The following UGT1A5 variants were observed in gnomAD, a reference collection of about 807,000 sequenced individuals.
UGT1A5 encodes UDP glucuronosyltransferase family 1 member A5, also known as UDP-glucuronosyltransferase 1A5.
In UGT1A5, 29 loss-of-function variants were observed where a neutral mutation model predicts 40.3. The observed-to-expected ratio is 0.72, with a 90% CI of 0.54 to 0.98. UGT1A5 has a LOEUF of 0.98. Ranked by LOEUF, UGT1A5 falls within the 50% of genes least tolerant of loss-of-function variation. The probability of loss-of-function intolerance (pLI) is 0.00; values close to 1 mark genes in which losing one functional copy is unlikely to be tolerated. For missense variants in UGT1A5, 678 were observed against 677.9 expected (o/e 1.00, Z 0.00); for synonymous variants, 257 against 262.5 (o/e 0.98, Z 0.20).
intron 1 of UGT1A5, chr2:233,754,863 C>G (rs533816242): frequency 1.9e-5 from 25 of 1,351,158 alleles, no homozygotes; most frequent in Admixed American, 3.8e-5. Flanking sequence ...GGGTGCAGAC[C>G]CTCTGCTTCT....
chr2:233,756,076 G>T (rs915859102), intron 1 of UGT1A5: 19 of 152,212 alleles, frequency 1.2e-4, no homozygotes, highest in African/African-American at 2.4e-5. Flanking sequence ...GAATGACAAT[G>T]AGAAAATCAA....
rs949471199 is a variant in UGT1A5, at chr2:233,747,414, C to T, written c.868-19620C>T. Reference sequence around the variant, plus strand: ...GGTCCTCACCCCAGAGGTGAATATGCACATCAAACAAGAGAAATTTTTCAC... The same window carrying T: ...GGTCCTCACCCCAGAGGTGAATATGTACATCAAACAAGAGAAATTTTTCAC... On this transcript the variant is annotated intron_variant, in intron 1 of 4. Transcript: ENST00000373414. 5.6e-6 allele frequency: 9 copies of T among 1,606,904 alleles called. No individual in the cohort carries two copies. In the Admixed American group the frequency reaches 6.7e-5, roughly 12 times the overall value.
intron 1 of UGT1A5, among the ~76,000 whole-genome samples, chr2:233,739,543 T>G (rs555327898): frequency 6.6e-6 from 1 of 152,334 alleles, no homozygotes; most frequent in South Asian, 2.1e-4. Context: ...TTTTGGAGCT[T>G]TAAGATTTAA....
At chr2:233,766,869 G>A (rs1460136088) in intron 1 of UGT1A5, among the ~76,000 whole-genome samples, 165 bp from the exon 2 acceptor site, 1 of 152,162 alleles carries the variant, frequency 6.6e-6, no homozygotes, top group African/African-American at 2.4e-5. Context: ...GTAAAGGAGA[G>A]GAAAATGCTG....
intron 1 of UGT1A5, among the ~76,000 whole-genome samples, chr2:233,731,890 C>A (rs2125767900): frequency 6.6e-6 from 1 of 152,340 alleles, no homozygotes; most frequent in Admixed American, 6.5e-5. Flanking sequence ...AACTAATTTA[C>A]ACTCCCACCA....
At chr2:233,726,263 T>C (rs2077520511) in intron 1 of UGT1A5, among the ~76,000 whole-genome samples, 1 of 152,204 alleles carries the variant, frequency 6.6e-6, no homozygotes, top group African/African-American at 2.4e-5. Flanking sequence ...TGCAGTGGCA[T>C]GCGCCTATGG....
chr2:233,724,512 C>A (rs1184546630), intron 1 of UGT1A5, among the ~76,000 whole-genome samples: 1 of 98,296 alleles, frequency 1.0e-5, no homozygotes, highest in Non-Finnish European at 2.1e-5. Context: ...CGCTCCTCAC[C>A]TCCCAGATGG....
chr2:233,729,728 A>G (rs373493601), intron 1 of UGT1A5: 1 of 1,613,928 alleles, frequency 6.2e-7, no homozygotes, highest in Non-Finnish European at 8.5e-7. Flanking sequence ...CTAACAACCA[A>G]TTCAGACCAC....
chr2:233,738,734 C>G (rs1273987564), intron 1 of UGT1A5, among the ~76,000 whole-genome samples: 1 of 152,148 alleles, frequency 6.6e-6, no homozygotes, highest in Non-Finnish European at 1.5e-5. Context: ...AAATTTGCAG[C>G]CTGACCATGT....
intron 1 of UGT1A5, among the ~76,000 whole-genome samples, chr2:233,757,565 T>C (rs1696654647): frequency 7.0e-6 from 1 of 141,992 alleles, no homozygotes; most frequent in African/African-American, 2.7e-5. Flanking sequence ...TATATATGTA[T>C]ATATGATATA....
rs866643747 is a variant in UGT1A5, at chr2:233,725,306, A to G, written c.867+11448A>G. On this transcript the variant is annotated intron_variant, in intron 1 of 4. Coordinates refer to ENST00000373414, the MANE Select transcript of UGT1A5 (RefSeq NM_019078.2). ...CAGAGGCAGAGGCAGAGGCAGAGGC[A>G]GAGGCAGAGGCGCCTGGTCAACAAT... Among the ~76,000 whole-genome samples the G allele has an allele frequency of 8.2e-5, 7 of 85,472 alleles. 1 individual carries two copies. In the East Asian group the frequency reaches 1.3e-3, roughly 16 times the overall value. The allele number at this position is 85,472 out of a possible 152,430, so 56.1% of individuals were successfully genotyped here.
chr2:233,729,788 C>T (rs377448970), intron 1 of UGT1A5: 5 of 1,613,954 alleles, frequency 3.1e-6, no homozygotes, highest in Non-Finnish European at 3.4e-6. Flanking sequence ...CTGGCCCTGT[C>T]CTACATTTGC....
intron 1 of UGT1A5, chr2:233,729,148 C>A: frequency 6.2e-7 from 1 of 1,613,474 alleles, no homozygotes; most frequent in Non-Finnish European, 8.5e-7. Flanking sequence ...ACTCCAGGTT[C>A]CCCTGCCGTG....
intron 1 of UGT1A5, among the ~76,000 whole-genome samples, chr2:233,746,724 T>G (rs1380174241): frequency 1.3e-5 from 2 of 151,818 alleles, no homozygotes; most frequent in Non-Finnish European, 2.9e-5. Flanking sequence ...GAATTAGCAA[T>G]GGATTCTGCT....
intron 1 of UGT1A5, among the ~76,000 whole-genome samples, chr2:233,753,939 G>C (rs753977947): frequency 3.0e-4 from 45 of 152,164 alleles, no homozygotes; most frequent in Non-Finnish European, 6.2e-4. Flanking sequence ...GGATTCAAAT[G>C]TATGACCTCC....
At chr2:233,737,053 G>A (rs2078838819) in intron 1 of UGT1A5, among the ~76,000 whole-genome samples, 1 of 152,218 alleles carries the variant, frequency 6.6e-6, no homozygotes, top group Non-Finnish European at 1.5e-5. Context: ...CATACTAGGA[G>A]AACGAGTGCT....
chr2:233,720,218 T>C (rs1362764993), intron 1 of UGT1A5, among the ~76,000 whole-genome samples: 2 of 152,126 alleles, frequency 1.3e-5, no homozygotes, highest in African/African-American at 2.4e-5. Context: ...GATGGATGCA[T>C]GTGATCAGAG....
At chr2:233,747,480 G>T in intron 1 of UGT1A5, 2 of 1,608,986 alleles carry the variant, frequency 1.2e-6, no homozygotes, top group Non-Finnish European at 1.7e-6. Context: ...GGATGAATTT[G>T]ATCGCCTTGT....
At chr2:233,735,234 CTTG>C (rs1328873988) in intron 1 of UGT1A5, among the ~76,000 whole-genome samples, 2 of 152,132 alleles carry the variant, frequency 1.3e-5, no homozygotes, top group African/African-American at 4.8e-5. Context: ...ATAGTTAGCT[CTTG>C]TTGTTGAATT....
Sources: allele counts gnomAD v4.1 joint callset (sites outside exome capture counted in the v4.1 genomes callset), GRCh38; gene constraint gnomAD v4.1.1; transcripts MANE v1.5; gene names NCBI Gene and HGNC (gene_info 2026-07-23, HGNC 2026-07-21).